Variants in PIEZO2 observed in about 807,000 individuals in gnomAD.
PIEZO2 encodes the protein piezo-type mechanosensitive ion channel component 2.
A neutral mutation model predicts 337.3 loss-of-function variants in PIEZO2; 172 were observed. The observed-to-expected ratio is 0.51, with a 90% confidence interval of 0.45 to 0.58. The LOEUF is 0.58. PIEZO2 is among the 20% of genes least tolerant of loss of function. The pLI is 0.00. For synonymous variants in PIEZO2, 1,251 were observed against 1,228.5 expected, an observed-to-expected ratio of 1.02 and a Z score of -0.38; for missense variants, 3,028 against 3,391.3, an observed-to-expected ratio of 0.89 and a Z score of 2.66.
intron 4 of PIEZO2, among the ~76,000 whole-genome samples, chr18:10,906,947 C>T (rs767048775): frequency 3.3e-5 from 5 of 152,090 alleles, no homozygotes; most frequent in Non-Finnish European, 7.4e-5. Context: ...TAGTGACAAA[C>T]GGCACTCCCA....
intron 2 of PIEZO2, among the ~76,000 whole-genome samples, chr18:11,045,122 C>T (rs761075770): frequency 1.3e-5 from 2 of 151,606 alleles, no homozygotes; most frequent in East Asian, 1.9e-4. Context: ...AGTGAAACCC[C>T]GTCTCTACTA....
intron 1 of PIEZO2, among the ~76,000 whole-genome samples, chr18:11,135,571 G>A (rs1235755582): frequency 6.6e-6 from 1 of 152,100 alleles, no homozygotes; most frequent in African/African-American, 2.4e-5. Context: ...TGATTTAGAT[G>A]GAGTCTAGCT....
chr18:11,109,371 T>C lies in PIEZO2; in HGVS notation c.64+39154A>G, dbSNP rs2039663683. Among the ~76,000 whole-genome samples, 1 of 152,104 alleles carries C rather than the reference T, an allele frequency of 6.6e-6. No homozygotes were observed. The highest frequency in any genetic ancestry group is 1.5e-5 in the Non-Finnish European group (1 of 68,016). ...TTTAATGGCCGTCTCTGTTAGCTAT[T>C]TGATGGGGTGGCAGGTGGGAGCTGG... On this transcript the variant is annotated intron_variant, in intron 1 of 55. Transcript: ENST00000674853. The surrounding 1 kb of genome is among the most constrained non-coding windows in gnomAD (Gnocchi z 5.1).
intron 1 of PIEZO2, among the ~76,000 whole-genome samples, chr18:11,108,080 C>CT (rs1380105037): frequency 6.6e-6 from 1 of 152,134 alleles, no homozygotes; most frequent in African/African-American, 2.4e-5. Context: ...GTTAGGGTGA[C>CT]TTATTTACCA....
At chr18:11,123,732 C>T (rs1479862784) in intron 1 of PIEZO2, among the ~76,000 whole-genome samples, 1 of 152,056 alleles carries the variant, frequency 6.6e-6, no homozygotes, top group Non-Finnish European at 1.5e-5. Context: ...ATGGCGTGAA[C>T]CCGGGAGGCG....
At position 10,847,503 on chromosome 18, in the gene PIEZO2, G is replaced by C. The variant is rs553585035; in HGVS notation, c.917+7850C>G. ...ACGCAGTGCAAAGGCCCGTGGGCTCGGCGAGAAGCCACAGTTGCTTTTGTA... is the reference window on the plus strand; with the variant it reads ...ACGCAGTGCAAAGGCCCGTGGGCTCCGCGAGAAGCCACAGTTGCTTTTGTA... On this transcript the variant is annotated intron_variant, in intron 7 of 55. Coordinates refer to ENST00000674853, the MANE Select transcript of PIEZO2 (RefSeq NM_001378183.1). The surrounding 1 kb of genome is among the most constrained non-coding windows in gnomAD (Gnocchi z 5.7). 6.6e-6 allele frequency among the ~76,000 whole-genome samples: 1 copy of C among 152,156 alleles called. No individual in the cohort carries two copies. The highest frequency in any genetic ancestry group is 2.4e-5 in the African/African-American group (1 of 41,434).
intron 7 of PIEZO2, among the ~76,000 whole-genome samples, chr18:10,823,606 C>G (rs1349002624): frequency 1.3e-5 from 2 of 152,126 alleles, no homozygotes; most frequent in Non-Finnish European, 2.9e-5. Flanking sequence ...TCAAATATGG[C>G]CTTCCTTAAA....
chr18:10,788,423 AAAGAAAGGAAGGAAGGAAGGAAGGAAGG>A (rs2039298274), intron 15 of PIEZO2, among the ~76,000 whole-genome samples: 1 of 123,312 alleles, frequency 8.1e-6, no homozygotes, highest in African/African-American at 3.1e-5. Flanking sequence ...AAAAAAAAAG[AAAGAAAGGAAGGAAGGAAGGAAGGAAGG>A]AAGGAAGGAA....
At chr18:10,769,484 T>C (rs566691321) in intron 21 of PIEZO2, among the ~76,000 whole-genome samples, 11 of 152,360 alleles carry the variant, frequency 7.2e-5, no homozygotes, top group Admixed American at 7.2e-4. Flanking sequence ...TTAAAGATTA[T>C]AGGCAGTACT....
intron 7 of PIEZO2, among the ~76,000 whole-genome samples, chr18:10,842,686 T>A (rs74315978): frequency 0.058 from 8,849 of 152,318 alleles, 360 homozygotes; most frequent in Non-Finnish European, 0.084. Context: ...GCCTCAGGTA[T>A]TCCTTCATGG....
At chr18:11,005,129 G>A (rs186122025) in intron 2 of PIEZO2, among the ~76,000 whole-genome samples, 1 of 152,206 alleles carries the variant, frequency 6.6e-6, no homozygotes, top group Non-Finnish European at 1.5e-5. Flanking sequence ...GCCAAATTCT[G>A]TCCCAAGGGA....
intron 7 of PIEZO2, among the ~76,000 whole-genome samples, chr18:10,811,958 C>G (rs893583236): frequency 6.6e-6 from 1 of 152,178 alleles, no homozygotes; most frequent in Admixed American, 6.5e-5. Flanking sequence ...CTCAGCCTCC[C>G]GAGTAGCTGA....
At chr18:10,844,434 T>TAAAATAAAATAAAATAAAATAAAAG (rs2041288226) in intron 7 of PIEZO2, among the ~76,000 whole-genome samples, 1 of 148,540 alleles carries the variant, frequency 6.7e-6, no homozygotes. Context: ...TAAAATAAAA[T>TAAAATAAAATAAAATAAAATAAAAG]AAAATAAAAT....
At chr18:10,728,250 C>T (rs1186423177) in intron 36 of PIEZO2, 1 of 152,626 alleles carries the variant, frequency 6.6e-6, no homozygotes, top group Non-Finnish European at 1.5e-5. Context: ...ATTGGACACT[C>T]TTGTCCCTCA....
intron 4 of PIEZO2, among the ~76,000 whole-genome samples, chr18:10,900,178 T>TACACACAC (rs56708718): frequency 1.2e-3 from 172 of 148,508 alleles, no homozygotes; most frequent in South Asian, 2.8e-3. Flanking sequence ...TTACTTTTGT[T>TACACACAC]ACACACACAC....
chr18:10,830,778 CATCT>C lies in PIEZO2; in HGVS notation c.918-23508_918-23505del, dbSNP rs1362218907. 6.6e-6 allele frequency among the ~76,000 whole-genome samples: 1 copy of C among 152,090 alleles called. No individual in the cohort carries two copies. The highest frequency in any genetic ancestry group is 1.5e-5 in the Non-Finnish European group (1 of 68,014). On this transcript the variant is annotated intron_variant, in intron 7 of 55. Coordinates refer to ENST00000674853, the MANE Select transcript of PIEZO2 (RefSeq NM_001378183.1). This position sits in a 1 kb window ranked among gnomAD's most constrained non-coding sequence, Gnocchi z 4.7. Reference sequence around the variant, plus strand: ...TGGGAAAAAATACTTGCAGACCATCCATCTGACAAGGAATTAATAATCAGGATAT... The same window carrying C: ...TGGGAAAAAATACTTGCAGACCATCCGACAAGGAATTAATAATCAGGATAT...
chr18:11,084,332 C>T (rs932825283), intron 1 of PIEZO2, among the ~76,000 whole-genome samples: 2 of 152,184 alleles, frequency 1.3e-5, no homozygotes, highest in African/African-American at 2.4e-5. Context: ...GTGCCACGGA[C>T]AGTAACCTGC....
At chr18:11,061,846 T>G (rs558508339) in intron 2 of PIEZO2, among the ~76,000 whole-genome samples, 1 of 152,206 alleles carries the variant, frequency 6.6e-6, no homozygotes, top group Non-Finnish European at 1.5e-5. Flanking sequence ...AGGTAATTTA[T>G]AGATTCAATG....
intron 4 of PIEZO2, among the ~76,000 whole-genome samples, chr18:10,901,990 G>A (rs551011717): frequency 2.0e-5 from 3 of 151,952 alleles, no homozygotes; most frequent in East Asian, 1.9e-4. Context: ...ACTGGTCCTC[G>A]TCCATAGCCT....
Sources: allele counts gnomAD v4.1 joint callset (sites outside exome capture counted in the v4.1 genomes callset), GRCh38; gene constraint gnomAD v4.1.1; non-coding constraint Gnocchi (gnomAD v3.1); transcripts MANE v1.5; gene names NCBI Gene and HGNC (gene_info 2026-07-23, HGNC 2026-07-21).